Variants in SLIT2 observed in about 807,000 individuals in gnomAD.
SLIT2 encodes the protein slit homolog 2 protein.
Under a neutral mutation model 185.7 loss-of-function variants are expected in SLIT2, and 41 were observed. The observed-to-expected ratio is 0.22, with a 90% CI of 0.17 to 0.29. The LOEUF (loss-of-function observed/expected upper bound fraction) is 0.29, where lower values mean the gene tolerates loss of function less well. Ranked by LOEUF, SLIT2 falls within the 10% of genes least tolerant of loss-of-function variation. The pLI is 1.00. For synonymous variants in SLIT2, 693 were observed against 680.2 expected (o/e 1.02, Z -0.29); for missense variants, 1,571 against 1,909.0 (o/e 0.82, Z 3.30).
chr4:20,282,215 T>C (rs2109058719), intron 4 of SLIT2, among the ~76,000 whole-genome samples: 1 of 152,276 alleles, frequency 6.6e-6, no homozygotes, highest in African/African-American at 2.4e-5. Context: ...AAGAGAAAAG[T>C]GGTCTCTAAT....
At chr4:20,454,595 G>A (rs1159881527) in intron 4 of SLIT2, among the ~76,000 whole-genome samples, 1 of 152,132 alleles carries the variant, frequency 6.6e-6, no homozygotes, top group African/African-American at 2.4e-5. Context: ...CAGACTCTAA[G>A]AGAGGTTAAA....
intron 4 of SLIT2, among the ~76,000 whole-genome samples, chr4:20,271,490 A>ATT (rs199953107): frequency 0.22 from 31,867 of 145,522 alleles, 4,353 homozygotes; most frequent in Middle Eastern, 0.36. Flanking sequence ...ATATTTATAT[A>ATT]TTATATATAT....
At chr4:20,442,543 AG>A (rs1221386484) in intron 4 of SLIT2, among the ~76,000 whole-genome samples, 23,224 of 124,006 alleles carry the variant, frequency 0.19, 2,118 homozygotes, top group African/African-American at 0.28. Flanking sequence ...AAAAAAAAAA[AG>A]GGGGGGGAGG....
chr4:20,256,681 T>A lies in SLIT2; in HGVS notation c.189T>A (p.Asn63Lys). ...CTGGTTTTTCTCTTAGGGATTTAAA[T>A]GGAAATAACATCACAAGAATTACGA... ...IPRNTERLDL[N>K]GNNITRITKT... The change falls in exon 2 of 37, where the codon AAT becomes AAA. Residue 63 changes from asparagine (N) to lysine (K), a missense_variant. Transcript: ENST00000504154. The A allele has an allele frequency of 6.4e-7, 1 of 1,559,504 alleles. No individual in the cohort carries two copies. Among genetic ancestry groups the A allele is most frequent in the South Asian group, 1.2e-5 (1 of 86,168 alleles).
chr4:20,545,033 G>A (rs558465140), intron 21 of SLIT2, among the ~76,000 whole-genome samples: 5 of 152,142 alleles, frequency 3.3e-5, no homozygotes, highest in African/African-American at 7.2e-5. Context: ...GATAACTGGT[G>A]CCTTTTATAT....
intron 4 of SLIT2, among the ~76,000 whole-genome samples, chr4:20,303,119 AC>A (rs1241478201): frequency 6.6e-6 from 1 of 152,206 alleles, no homozygotes; most frequent in Admixed American, 6.5e-5. Flanking sequence ...AAGTAGTGTT[AC>A]ATGGAAAATG....
intron 30 of SLIT2, among the ~76,000 whole-genome samples, chr4:20,595,353 T>C (rs1490538449): frequency 6.6e-6 from 1 of 151,848 alleles, no homozygotes; most frequent in African/African-American, 2.4e-5. Context: ...AAACTGAAAA[T>C]ATAGGGCACT....
intron 4 of SLIT2, among the ~76,000 whole-genome samples, chr4:20,339,985 C>G (rs1720830039): frequency 6.6e-6 from 1 of 152,162 alleles, no homozygotes; most frequent in Non-Finnish European, 1.5e-5. Context: ...TAGTTCATTA[C>G]TAATCCCCTC....
intron 4 of SLIT2, among the ~76,000 whole-genome samples, chr4:20,409,377 C>T (rs1181733674): frequency 1.3e-5 from 2 of 152,138 alleles, no homozygotes; most frequent in Non-Finnish European, 2.9e-5. Flanking sequence ...CTGGCTCCAT[C>T]CATGTCCCTA....
intron 21 of SLIT2, among the ~76,000 whole-genome samples, chr4:20,543,078 T>C (rs935372046): frequency 6.6e-6 from 1 of 152,088 alleles, no homozygotes; most frequent in African/African-American, 2.4e-5. Context: ...AGGAAACTTT[T>C]TTTTTTACCT....
At chr4:20,585,682 A>G (rs757850654) in intron 29 of SLIT2, among the ~76,000 whole-genome samples, 3 of 152,064 alleles carry the variant, frequency 2.0e-5, no homozygotes, top group Non-Finnish European at 4.4e-5. Context: ...TACAACACTA[A>G]CTCTGTATAG....
chr4:20,523,860 A>G lies in SLIT2; in HGVS notation c.1231A>G (p.Ile411Val), dbSNP rs1298097161. The stretch of plus-strand genomic sequence containing the variant: ...CCTATATGACAACAAGCTTCAGACC[A>G]TCGCCAAGGGGACCTTTTCACCTCT... ...LSLYDNKLQT[I>V]AKGTFSPLRA... is the part of the protein sequence containing the mutation. The change falls in exon 13 of 37, where the codon ATC becomes GTC. Residue 411 changes from isoleucine (I) to valine (V), a missense_variant. Ile to Val is a conservative substitution (Grantham distance 29). Coordinates refer to ENST00000504154, the MANE Select transcript of SLIT2 (RefSeq NM_004787.4). 1 of 1,614,138 alleles carries G rather than the reference A, an allele frequency of 6.2e-7. No homozygotes were observed. The highest frequency in any genetic ancestry group is 1.7e-5 in the Admixed American group (1 of 60,016).
chr4:20,474,623 G>A (rs974747181), intron 5 of SLIT2, among the ~76,000 whole-genome samples: 2 of 151,956 alleles, frequency 1.3e-5, no homozygotes. Flanking sequence ...GCATAATCAT[G>A]CCATGGCTGC....
intron 4 of SLIT2, among the ~76,000 whole-genome samples, chr4:20,458,278 A>T (rs1386056308): frequency 6.6e-6 from 1 of 151,778 alleles, no homozygotes; most frequent in Non-Finnish European, 1.5e-5. Flanking sequence ...GAGTGTATAC[A>T]CTCTTCTTGC....
intron 4 of SLIT2, among the ~76,000 whole-genome samples, chr4:20,312,956 T>C (rs1418239274): frequency 1.3e-5 from 2 of 152,188 alleles, no homozygotes; most frequent in Non-Finnish European, 2.9e-5. Context: ...TTATGCTGTA[T>C]AATTATGTCA....
At chr4:20,370,813 T>G (rs1226667781) in intron 4 of SLIT2, among the ~76,000 whole-genome samples, 1 of 152,090 alleles carries the variant, frequency 6.6e-6, no homozygotes, top group African/African-American at 2.4e-5. Context: ...CATTTTCCTG[T>G]AAAACAGAGG....
intron 4 of SLIT2, among the ~76,000 whole-genome samples, chr4:20,283,586 A>T (rs1243902359): frequency 6.6e-6 from 1 of 152,198 alleles, no homozygotes; most frequent in African/African-American, 2.4e-5. Context: ...CAGGACACTT[A>T]ATATTAATCA....
chr4:20,507,572 G>A (rs1288446299), intron 9 of SLIT2, among the ~76,000 whole-genome samples: 1 of 151,628 alleles, frequency 6.6e-6, no homozygotes, highest in Non-Finnish European at 1.5e-5. Context: ...TTTCACAAAT[G>A]TATGAACATC....
intron 4 of SLIT2, among the ~76,000 whole-genome samples, chr4:20,313,635 T>A (rs370738454): frequency 1.2e-4 from 19 of 152,262 alleles, no homozygotes; most frequent in East Asian, 3.9e-4. Context: ...CCCAACCTTT[T>A]TGGCACCAGG....
Sources: gnomAD v4.1 joint callset for allele counts (sites outside exome capture counted in the v4.1 genomes callset) on GRCh38, gnomAD v4.1.1 for gene constraint, MANE v1.5 for transcripts, NCBI Gene and HGNC (gene_info 2026-07-23, HGNC 2026-07-21) for gene names.